The following HS3ST5 variants were observed in gnomAD, a reference collection of about 807,000 sequenced individuals.
HS3ST5 encodes the protein heparan sulfate-glucosamine 3-sulfotransferase 5, also known as heparan sulfate glucosamine 3-O-sulfotransferase 5.
Under a neutral mutation model 25.4 loss-of-function variants are expected in HS3ST5, and 10 were observed. That is an observed-to-expected ratio of 0.39 (90% CI 0.24 to 0.67). The LOEUF (loss-of-function observed/expected upper bound fraction) is 0.67. Ranked by LOEUF, HS3ST5 falls within the 30% of genes least tolerant of loss-of-function variation. The pLI, the probability that HS3ST5 is intolerant of heterozygous loss-of-function variation, is 0.44. For synonymous variants in HS3ST5, 170 were observed against 162.4 expected (o/e 1.05, Z -0.36); for missense variants, 324 against 420.7 (o/e 0.77, Z 2.01).
At chr6:114,262,516 C>T (rs1582769340) in intron 1 of HS3ST5, among the ~76,000 whole-genome samples, 1 of 151,366 alleles carries the variant, frequency 6.6e-6, no homozygotes, top group Admixed American at 6.6e-5. Flanking sequence ...CATTGCACTC[C>T]AGCCTGGTTA....
At chr6:114,150,473 C>A (rs1778396677) in intron 3 of HS3ST5, among the ~76,000 whole-genome samples, 1 of 152,184 alleles carries the variant, frequency 6.6e-6, no homozygotes, top group Non-Finnish European at 1.5e-5. Flanking sequence ...GTATTTACTT[C>A]ATATATGAGA....
intron 1 of HS3ST5, among the ~76,000 whole-genome samples, chr6:114,257,218 T>C (rs1317748963): frequency 6.6e-6 from 1 of 152,146 alleles, no homozygotes; most frequent in Non-Finnish European, 1.5e-5. Flanking sequence ...GTTTGTTAAA[T>C]GGAGGCAGTA....
intron 1 of HS3ST5, among the ~76,000 whole-genome samples, chr6:114,294,221 GA>G (rs933742074): frequency 2.6e-5 from 4 of 151,852 alleles, no homozygotes; most frequent in East Asian, 1.9e-4. Flanking sequence ...ATTGGAAGCA[GA>G]AAAAAAACCT....
intron 3 of HS3ST5, among the ~76,000 whole-genome samples, chr6:114,088,220 T>C (rs1774939951): frequency 6.6e-6 from 1 of 152,180 alleles, no homozygotes; most frequent in Non-Finnish European, 1.5e-5. Context: ...GCCTACAGCA[T>C]AAAATCCCAG....
intron 3 of HS3ST5, among the ~76,000 whole-genome samples, chr6:114,138,164 C>T (rs1188656931): frequency 1.3e-5 from 2 of 152,140 alleles, no homozygotes; most frequent in African/African-American, 4.8e-5. Flanking sequence ...TCCAAATTTA[C>T]ATTCATTCAT....
chr6:114,122,126 A>G (rs1221094874), intron 3 of HS3ST5, among the ~76,000 whole-genome samples: 1 of 152,058 alleles, frequency 6.6e-6, no homozygotes, highest in African/African-American at 2.4e-5. Flanking sequence ...TCCAGCTGGG[A>G]TTGTCTGTCA....
chr6:114,272,025 C>T (rs1049675925), intron 1 of HS3ST5, among the ~76,000 whole-genome samples: 2 of 152,122 alleles, frequency 1.3e-5, no homozygotes, highest in African/African-American at 2.4e-5. Flanking sequence ...CTGTATCAAC[C>T]ATATCCTAAT....
At chr6:114,235,389 T>TA (rs202072854) in intron 1 of HS3ST5, among the ~76,000 whole-genome samples, 6,561 of 144,924 alleles carry the variant, frequency 0.045, 208 homozygotes, top group African/African-American at 0.097. Flanking sequence ...ACTAAACAAG[T>TA]AAAAAAAAAA....
intron 3 of HS3ST5, chr6:114,131,385 G>A (rs1183837100): frequency 6.6e-6 from 1 of 152,152 alleles, no homozygotes; most frequent in Non-Finnish European, 1.5e-5. Context: ...TTTAAAAAGT[G>A]ACTTTTCCTA....
intron 3 of HS3ST5, among the ~76,000 whole-genome samples, chr6:114,137,802 C>T (rs1777701189): frequency 6.6e-6 from 1 of 152,186 alleles, no homozygotes; most frequent in African/African-American, 2.4e-5. Context: ...TTTCCTGCTT[C>T]TGATGTCTCC....
intron 1 of HS3ST5, among the ~76,000 whole-genome samples, chr6:114,262,905 C>G (rs896838562): frequency 2.0e-5 from 3 of 152,054 alleles, no homozygotes; most frequent in African/African-American, 7.2e-5. Flanking sequence ...TCTTCTTTGA[C>G]ATTTGAAGAT....
At chr6:114,269,387 G>A (rs1773542076) in intron 1 of HS3ST5, among the ~76,000 whole-genome samples, 1 of 152,162 alleles carries the variant, frequency 6.6e-6, no homozygotes. Flanking sequence ...TGAAACCAGG[G>A]ATATTTAAAG....
intron 3 of HS3ST5, among the ~76,000 whole-genome samples, chr6:114,148,897 A>G (rs1778304431): frequency 6.6e-6 from 1 of 152,152 alleles, no homozygotes. Flanking sequence ...TACAAGAAAA[A>G]CAACCCCATC....
rs1212063211 is a variant in HS3ST5, at chr6:114,055,658, C to G, written c.*1599G>C. The G allele has an allele frequency of 6.6e-6, 1 of 152,174 alleles. No homozygotes were observed. The highest frequency in any genetic ancestry group is 1.5e-5 in the Non-Finnish European group (1 of 68,016). The allele number at this position is 152,174 out of a possible 1,614,324, so 9.4% of individuals were successfully genotyped here. ...TCAAATCACTAGACAGGATAAACAA[C>G]TCATGGAGAAAATCAACACTTATTA... On this transcript the variant is annotated 3_prime_UTR_variant, in exon 5 of 5. Coordinates refer to ENST00000312719, the MANE Select transcript of HS3ST5 (RefSeq NM_153612.4).
intron 3 of HS3ST5, among the ~76,000 whole-genome samples, chr6:114,141,355 T>A (rs1777890542): frequency 1.3e-5 from 2 of 152,254 alleles, no homozygotes; most frequent in Non-Finnish European, 2.9e-5. Context: ...CATATCAGTA[T>A]ATCAGCAATG....
intron 3 of HS3ST5, among the ~76,000 whole-genome samples, chr6:114,159,284 G>C (rs1778831902): frequency 6.6e-6 from 1 of 152,154 alleles, no homozygotes; most frequent in African/African-American, 2.4e-5. Context: ...CAAAGGCCAT[G>C]TATAATAATG....
chr6:114,176,463 C>T (rs1779728505), intron 2 of HS3ST5, among the ~76,000 whole-genome samples: 1 of 152,140 alleles, frequency 6.6e-6, no homozygotes, highest in South Asian at 2.1e-4. Flanking sequence ...GTATCATTGG[C>T]AGAAACCTAT....
intron 3 of HS3ST5, among the ~76,000 whole-genome samples, chr6:114,063,814 C>T (rs1773287003): frequency 6.6e-6 from 1 of 152,110 alleles, no homozygotes; most frequent in Admixed American, 6.5e-5. Context: ...TCTGCTCAGT[C>T]CTGGGTTCTG....
At chr6:114,341,113 G>A (rs928493577) in intron 1 of HS3ST5, among the ~76,000 whole-genome samples, 1 of 139,562 alleles carries the variant, frequency 7.2e-6, no homozygotes, top group Non-Finnish European at 1.5e-5. Context: ...TGTTTTCTAA[G>A]AAGAAACTGG....
Sources: gnomAD v4.1 joint callset for allele counts (sites outside exome capture counted in the v4.1 genomes callset) on GRCh38, gnomAD v4.1.1 for gene constraint, MANE v1.5 for transcripts, NCBI Gene and HGNC (gene_info 2026-07-23, HGNC 2026-07-21) for gene names.